The following TBC1D23 variants were observed in gnomAD, a reference collection of about 807,000 sequenced individuals.
The protein encoded by TBC1D23 is TBC1 domain family member 23.
TBC1D23 carries 55 observed loss-of-function variants against 91.4 expected under a neutral mutation model. The ratio of observed to expected loss-of-function variants is 0.60; its 90% CI spans 0.48 to 0.75. The LOEUF (loss-of-function observed/expected upper bound fraction) is 0.75. TBC1D23 is among the 30% of genes least tolerant of loss of function. TBC1D23 has a pLI of 0.00. For synonymous variants in TBC1D23, 289 were observed against 281.0 expected (o/e 1.03, Z -0.28); for missense variants, 725 against 836.1 (o/e 0.87, Z 1.64).
chr3:100,290,569 G>C lies in TBC1D23; in HGVS notation c.477-9G>C. 1 of 1,610,674 alleles carries C rather than the reference G, an allele frequency of 6.2e-7. No individual in the cohort carries two copies. Among genetic ancestry groups the C allele is most frequent in the Non-Finnish European group, 8.5e-7 (1 of 1,178,940 alleles). On this transcript the variant is annotated splice_polypyrimidine_tract_variant and intron_variant, in intron 4 of 18. Coordinates refer to ENST00000394144, the MANE Select transcript of TBC1D23 (RefSeq NM_001199198.3). ...AATGCAAAAAAATTTTGCTTCTCTTGTCTTCTAGGGATTGTTCCCAGAAAG... is the reference window on the plus strand; with the variant it reads ...AATGCAAAAAAATTTTGCTTCTCTTCTCTTCTAGGGATTGTTCCCAGAAAG...
chr3:100,273,571 A>C (rs1192025817), intron 1 of TBC1D23, among the ~76,000 whole-genome samples: 1 of 152,212 alleles, frequency 6.6e-6, no homozygotes, highest in Non-Finnish European at 1.5e-5. Flanking sequence ...AGGCAATCCT[A>C]AGCAAAAAGA....
chr3:100,277,183 T>C (rs1308345622), intron 1 of TBC1D23, among the ~76,000 whole-genome samples: 1 of 152,238 alleles, frequency 6.6e-6, no homozygotes, highest in Non-Finnish European at 1.5e-5. Context: ...GGGAGCTAAA[T>C]GCTATAGAAT....
rs567856940 is a variant in TBC1D23, at chr3:100,284,754, T to G, written c.476+943T>G. Among the ~76,000 whole-genome samples, 110 of 152,286 alleles carry G rather than the reference T, an allele frequency of 7.2e-4. 1 individual carries two copies. Among genetic ancestry groups the G allele is most frequent in the Non-Finnish European group, 1.3e-3 (90 of 68,030 alleles). On this transcript the variant is annotated intron_variant, in intron 4 of 18. Coordinates refer to ENST00000394144, the MANE Select transcript of TBC1D23 (RefSeq NM_001199198.3). ...TGCAATAGATCAGATAGTTAGAATT[T>G]TAGTACCAAAAGAAACTTTAGACAT...
At chr3:100,287,776 T>C (rs924606440) in intron 4 of TBC1D23, among the ~76,000 whole-genome samples, 1 of 152,226 alleles carries the variant, frequency 6.6e-6, no homozygotes, top group African/African-American at 2.4e-5. Context: ...TTAAATTACA[T>C]TGTAAAACAT....
Position 100,279,730 on chromosome 3 carries a change from G to A in TBC1D23, c.135G>A (p.Leu45=). ...TLRNIIQGRP[L]PADLRAKVWK... is the part of the protein sequence containing the mutation. ...GAAATATAATTCAAGGAAGACCGCTGCCTGCTGATCTGAGGGCCAAAGTTT... is the reference window on the plus strand; with the variant it reads ...GAAATATAATTCAAGGAAGACCGCTACCTGCTGATCTGAGGGCCAAAGTTT... Residue 45 remains leucine, a synonymous_variant, in exon 2 of 19, where the codon CTG becomes CTA. Coordinates refer to ENST00000394144, the MANE Select transcript of TBC1D23 (RefSeq NM_001199198.3). 1 of 1,605,712 alleles carries A rather than the reference G, an allele frequency of 6.2e-7. No individual in the cohort carries two copies. The highest frequency in any genetic ancestry group is 8.5e-7 in the Non-Finnish European group (1 of 1,174,038).
chr3:100,275,298 G>GT lies in TBC1D23; in HGVS notation c.54-4345dup, dbSNP rs533904640. On this transcript the variant is annotated intron_variant, in intron 1 of 18. Coordinates refer to ENST00000394144, the MANE Select transcript of TBC1D23 (RefSeq NM_001199198.3). ...GAGACAAGGTCTTGTTCTGTAGCCT[G>GT]TTTTTTGAGACAGGGTCTCGTTCTG... Among the ~76,000 whole-genome samples the GT allele has an allele frequency of 6.0e-4, 90 of 150,522 alleles. 1 individual carries two copies. In the South Asian group the frequency reaches 0.011, roughly 19 times the overall value.
chr3:100,290,680 A>C lies in TBC1D23; in HGVS notation c.579A>C (p.Pro193=). 1 of 1,612,812 alleles carries C rather than the reference A, an allele frequency of 6.2e-7. No homozygotes were observed. The highest frequency in any genetic ancestry group is 1.1e-5 in the South Asian group (1 of 90,970). The change falls in exon 5 of 19, where the codon CCA becomes CCC. Residue 193 remains proline, a synonymous_variant. Coordinates refer to ENST00000394144, the MANE Select transcript of TBC1D23 (RefSeq NM_001199198.3). ...CSYLDTKKIT[P]DSYALNWLGS... is the part of the protein sequence containing the mutation. ...ATCTTGATACAAAGAAAATTACTCCAGACTCCTATGCACTCAACTGGGTAA... is the reference window on the plus strand; with the variant it reads ...ATCTTGATACAAAGAAAATTACTCCCGACTCCTATGCACTCAACTGGGTAA...
intron 10 of TBC1D23, among the ~76,000 whole-genome samples, chr3:100,299,931 T>A (rs1392708938): frequency 2.0e-5 from 3 of 151,472 alleles, no homozygotes; most frequent in Admixed American, 6.6e-5. Flanking sequence ...GTATAGCACT[T>A]AGCATAGTGC....
intron 1 of TBC1D23, among the ~76,000 whole-genome samples, chr3:100,270,584 G>C (rs2067592100): frequency 6.6e-6 from 1 of 152,122 alleles, no homozygotes; most frequent in African/African-American, 2.4e-5. Flanking sequence ...TAAAGGAAAG[G>C]AGATAATCAC....
intron 13 of TBC1D23, among the ~76,000 whole-genome samples, chr3:100,306,967 G>A (rs962319773): frequency 6.6e-6 from 1 of 152,110 alleles, no homozygotes; most frequent in Non-Finnish European, 1.5e-5. Context: ...TAATCATCTC[G>A]TGCACACTAT....
intron 9 of TBC1D23, among the ~76,000 whole-genome samples, chr3:100,298,598 A>G (rs2148863188): frequency 6.6e-6 from 1 of 152,350 alleles, no homozygotes; most frequent in South Asian, 2.1e-4. Context: ...CAGGAAAGGA[A>G]TGGACGTGGG....
chr3:100,313,063 A>G (rs1222303550), intron 15 of TBC1D23, among the ~76,000 whole-genome samples: 3 of 151,914 alleles, frequency 2.0e-5, no homozygotes, highest in Non-Finnish European at 4.4e-5. Flanking sequence ...CTAATAACTT[A>G]TCTTCTAAGA....
Position 100,319,727 on chromosome 3 carries a change from C to T in TBC1D23, c.1823+523C>T, listed in dbSNP as rs1283059453. Reference sequence around the variant, plus strand: ...ACAGGTGTGAGCCACCGTGGCCGGCCATGATTCTTAGATTTATCAACTGTT... The same window carrying T: ...ACAGGTGTGAGCCACCGTGGCCGGCTATGATTCTTAGATTTATCAACTGTT... On this transcript the variant is annotated intron_variant, in intron 17 of 18. Transcript: ENST00000394144. Among the ~76,000 whole-genome samples the T allele has an allele frequency of 2.0e-5, 3 of 152,144 alleles. No individual in the cohort carries two copies. In the East Asian group the frequency reaches 5.8e-4, roughly 29 times the overall value.
intron 1 of TBC1D23, among the ~76,000 whole-genome samples, chr3:100,264,612 A>G (rs1260767525): frequency 6.6e-6 from 1 of 152,228 alleles, no homozygotes; most frequent in Non-Finnish European, 1.5e-5. Flanking sequence ...TAAGTGACAC[A>G]GCTATCCCTT....
chr3:100,321,553 C>T (rs1174483148), intron 18 of TBC1D23, among the ~76,000 whole-genome samples: 2 of 152,134 alleles, frequency 1.3e-5, no homozygotes, highest in African/African-American at 4.8e-5. Flanking sequence ...GTGACAGAAC[C>T]AAATATAGCC....
intron 17 of TBC1D23, 121 bp downstream of exon 17, chr3:100,319,325 C>T: frequency 1.3e-6 from 1 of 799,906 alleles, no homozygotes; most frequent in Non-Finnish European, 2.0e-6. Context: ...TCCCTTCTGT[C>T]TACTTGTATT....
chr3:100,295,504 T>C (rs770734894), intron 7 of TBC1D23, among the ~76,000 whole-genome samples, 156 bp downstream of exon 7: 44 of 152,194 alleles, frequency 2.9e-4, no homozygotes, highest in Non-Finnish European at 5.4e-4. Flanking sequence ...GTACAGACCT[T>C]AAAGACTATT....
intron 18 of TBC1D23, among the ~76,000 whole-genome samples, chr3:100,323,102 G>A (rs1290971916): frequency 6.6e-6 from 1 of 152,010 alleles, no homozygotes; most frequent in Non-Finnish European, 1.5e-5. Context: ...TGTAAAGTTT[G>A]GATAACTATA....
chr3:100,283,841 T>A, intron 4 of TBC1D23, 30 bp downstream of exon 4: 1 of 1,426,018 alleles, frequency 7.0e-7, no homozygotes, highest in African/African-American at 1.4e-5. Context: ...TTGTAGTTTT[T>A]AAAAGTGAAT....
Sources: allele counts gnomAD v4.1 joint callset (sites outside exome capture counted in the v4.1 genomes callset), GRCh38; gene constraint gnomAD v4.1.1; transcripts MANE v1.5; gene names NCBI Gene and HGNC (gene_info 2026-07-23, HGNC 2026-07-21).